FAM13A: variants seen among roughly 807,000 people sequenced by gnomAD.
FAM13A encodes the protein protein FAM13A.
A neutral mutation model predicts 129.6 loss-of-function variants in FAM13A; 76 were observed. That is an observed-to-expected ratio of 0.59 (90% CI 0.49 to 0.71). FAM13A has a LOEUF of 0.71. Ranked by LOEUF, FAM13A falls within the 30% of genes least tolerant of loss-of-function variation. The pLI, the probability that FAM13A is intolerant of heterozygous loss-of-function variation, is 0.00. For synonymous variants in FAM13A, 443 were observed against 449.9 expected (o/e 0.98, Z 0.20); for missense variants, 1,108 against 1,249.3 (o/e 0.89, Z 1.70).
intron 4 of FAM13A, among the ~76,000 whole-genome samples, chr4:88,975,765 A>C (rs1461687233): frequency 6.6e-6 from 1 of 152,240 alleles, no homozygotes; most frequent in Non-Finnish European, 1.5e-5. Flanking sequence ...CATGGGCCAC[A>C]TCAAGGCAAA....
At chr4:89,045,597 G>T (rs74547523) in intron 1 of FAM13A, among the ~76,000 whole-genome samples, 2,233 of 152,232 alleles carry the variant, frequency 0.015, 59 homozygotes, top group African/African-American at 0.051. Context: ...TAACAATAAA[G>T]AATCTTTTGC....
intron 13 of FAM13A, among the ~76,000 whole-genome samples, chr4:88,766,969 G>T (rs1745812930): frequency 6.6e-6 from 1 of 152,202 alleles, no homozygotes; most frequent in South Asian, 2.1e-4. Flanking sequence ...AGCTGGACTT[G>T]GGAGCAAGGG....
chr4:89,054,027 G>T (rs958616067), intron 1 of FAM13A, among the ~76,000 whole-genome samples: 6 of 152,072 alleles, frequency 3.9e-5, no homozygotes, highest in Admixed American at 6.6e-5. Flanking sequence ...CTCAGAATAG[G>T]TGGTTTACTG....
At chr4:88,753,681 T>G (rs1207394850) in intron 14 of FAM13A, 6 of 811,244 alleles carry the variant, frequency 7.4e-6, no homozygotes, top group Non-Finnish European at 8.9e-6. Context: ...AGGCTTCTAT[T>G]CAAAAGAGTT....
Position 88,728,478 on chromosome 4 carries a change from T to C in FAM13A, c.*55A>G. 1 of 1,610,742 alleles carries C rather than the reference T, an allele frequency of 6.2e-7. No homozygotes were observed. The highest frequency in any genetic ancestry group is 1.7e-5 in the Admixed American group (1 of 60,014). On this transcript the variant is annotated 3_prime_UTR_variant, in exon 24 of 24. Transcript: ENST00000264344. ...CTGCCTTCCAGAGCTGCACTTTCTC[T>C]GGGGACAGTAAACTCTCACCGCAGC...
At position 88,938,122 on chromosome 4, in the gene FAM13A, C is replaced by T. The variant is rs1197827956; in HGVS notation, c.725G>A (p.Arg242Lys). The T allele has an allele frequency of 6.2e-7, 1 of 1,613,618 alleles. No homozygotes were observed. The highest frequency in any genetic ancestry group is 1.1e-5 in the South Asian group (1 of 91,040). The change falls in exon 5 of 24, where the codon AGA becomes AAA. Residue 242 changes from arginine to lysine, a missense_variant. Transcript: ENST00000264344. Reference protein sequence around the residue: ...EVEYTENDHLRCENLARLIIV... With the variant: ...EVEYTENDHLKCENLARLIIV... ...GATAAGCCTAGCCAGGTTTTCACAT[C>T]TCAGATGATCATTTTCTGTATACTC...
At chr4:88,825,930 TG>T (rs1276700006) in intron 7 of FAM13A, among the ~76,000 whole-genome samples, 1 of 152,194 alleles carries the variant, frequency 6.6e-6, no homozygotes, top group African/African-American at 2.4e-5. Context: ...TGATCTATTT[TG>T]GGGGCATTAT....
chr4:88,790,260 T>C (rs1724852601), intron 9 of FAM13A, among the ~76,000 whole-genome samples: 1 of 152,136 alleles, frequency 6.6e-6, no homozygotes, highest in Non-Finnish European at 1.5e-5. Context: ...AACCTTTAAT[T>C]ACATTATCCA....
intron 5 of FAM13A, among the ~76,000 whole-genome samples, chr4:88,919,862 G>A (rs899474323): frequency 2.4e-4 from 36 of 152,308 alleles, no homozygotes; most frequent in African/African-American, 8.2e-4. Flanking sequence ...GCGCTTTTCC[G>A]ACGGGCTTAA....
intron 3 of FAM13A, among the ~76,000 whole-genome samples, chr4:89,008,636 C>T (rs1765364478): frequency 6.6e-6 from 1 of 152,156 alleles, no homozygotes. Context: ...GCACAATCTA[C>T]CTGCTTGTTC....
chr4:89,021,454 A>T (rs1226333267), intron 2 of FAM13A, among the ~76,000 whole-genome samples: 1 of 152,216 alleles, frequency 6.6e-6, no homozygotes, highest in Non-Finnish European at 1.5e-5. Context: ...CAAAACCTTG[A>T]TCTACCCCTG....
intron 16 of FAM13A, among the ~76,000 whole-genome samples, 159 bp from the exon 17 acceptor site, chr4:88,749,192 T>C (rs1367930568): frequency 6.6e-6 from 1 of 152,220 alleles, no homozygotes; most frequent in Non-Finnish European, 1.5e-5. Flanking sequence ...CAAATGTAAT[T>C]CCATTATCCT....
intron 3 of FAM13A, among the ~76,000 whole-genome samples, chr4:88,993,727 G>A (rs1020317453): frequency 6.6e-6 from 1 of 152,098 alleles, no homozygotes; most frequent in Non-Finnish European, 1.5e-5. Flanking sequence ...GCGGCTGGGC[G>A]CGGCAGCTCA....
intron 6 of FAM13A, among the ~76,000 whole-genome samples, chr4:88,856,453 T>C (rs1170394832): frequency 1.3e-5 from 2 of 151,956 alleles, no homozygotes; most frequent in Non-Finnish European, 1.5e-5. Flanking sequence ...CACTGCACTC[T>C]CATCTGTGTG....
chr4:89,012,451 G>A (rs1579765393), intron 3 of FAM13A, among the ~76,000 whole-genome samples: 1 of 152,176 alleles, frequency 6.6e-6, no homozygotes, highest in Non-Finnish European at 1.5e-5. Context: ...TGAGGCCTCT[G>A]AAAGAAGTGA....
chr4:88,951,116 A>G (rs564556375), intron 4 of FAM13A, among the ~76,000 whole-genome samples: 1 of 152,286 alleles, frequency 6.6e-6, no homozygotes, highest in Admixed American at 6.5e-5. Context: ...GCTGTTTATT[A>G]TATGTGTCAC....
intron 7 of FAM13A, among the ~76,000 whole-genome samples, chr4:88,812,031 C>G (rs1438194676): frequency 3.9e-5 from 6 of 152,156 alleles, no homozygotes; most frequent in African/African-American, 1.2e-4. Context: ...ACTCTCCCCC[C>G]TGCTCATTGA....
chr4:88,809,756 G>A (rs1018427439), intron 7 of FAM13A, among the ~76,000 whole-genome samples: 2 of 151,382 alleles, frequency 1.3e-5, no homozygotes, highest in Non-Finnish European at 2.9e-5. Flanking sequence ...AGTCTCAGTC[G>A]TTAACCATGC....
chr4:88,927,155 CT>C (rs1256259534), intron 5 of FAM13A, among the ~76,000 whole-genome samples: 3 of 152,014 alleles, frequency 2.0e-5, no homozygotes, highest in Non-Finnish European at 4.4e-5. Context: ...TTTAGTTCCC[CT>C]GATAGAGATC....
Sources: allele counts gnomAD v4.1 joint callset (sites outside exome capture counted in the v4.1 genomes callset), GRCh38; gene constraint gnomAD v4.1.1; transcripts MANE v1.5; gene names NCBI Gene and HGNC (gene_info 2026-07-23, HGNC 2026-07-21).